The following RASGRP3 variants were observed in gnomAD, a reference collection of about 807,000 sequenced individuals.
The protein encoded by RASGRP3 is RAS guanyl releasing protein 3, also known as ras guanyl-releasing protein 3.
In RASGRP3, 54 loss-of-function variants were observed where a neutral mutation model predicts 82.7. The ratio of observed to expected loss-of-function variants is 0.65; its 90% CI spans 0.52 to 0.82. RASGRP3 has a LOEUF of 0.82. Among genes scored for constraint, RASGRP3 ranks in the 40% least tolerant of loss-of-function variants. The pLI, the probability that RASGRP3 is intolerant of heterozygous loss-of-function variation, is 0.00. For synonymous variants in RASGRP3, 309 were observed against 300.5 expected (o/e 1.03, Z -0.29); for missense variants, 861 against 828.9 (o/e 1.04, Z -0.48).
chr2:33,507,690 T>TA (rs1257363679), intron 1 of RASGRP3, among the ~76,000 whole-genome samples: 2 of 152,142 alleles, frequency 1.3e-5, no homozygotes, highest in African/African-American at 4.8e-5. Context: ...CACGCCTGGC[T>TA]ACTTCTTGTA....
At position 33,527,326 on chromosome 2, in the gene RASGRP3, C is replaced by A; in HGVS notation, c.997C>A (p.Leu333Ile). 1 of 1,613,852 alleles carries A rather than the reference C, an allele frequency of 6.2e-7. No individual in the cohort carries two copies. Residue 333 changes from leucine to isoleucine, a missense_variant, in exon 10 of 18, where the codon CTC becomes ATC. Coordinates refer to ENST00000403687, the MANE Select transcript of RASGRP3 (RefSeq NM_001139488.2). ...AGTGAACATTGTGAAAATGCACCAG[C>A]TCTCCGTTACCCTGAGTGAACTAGT... ...NKVNIVKMHQ[L>I]SVTLSELVSL...
chr2:33,478,342 C>T (rs979956991), intron 1 of RASGRP3, among the ~76,000 whole-genome samples: 15 of 152,248 alleles, frequency 9.9e-5, no homozygotes, highest in Admixed American at 6.5e-4. Flanking sequence ...TGGGTCAGCC[C>T]GCGGCCATGT....
At position 33,453,410 on chromosome 2, in the gene RASGRP3, C is replaced by G. The variant is rs7559662; in HGVS notation, c.-261+5467C>G. Among the ~76,000 whole-genome samples the G allele has an allele frequency of 9.1e-3, 1,389 of 152,236 alleles. 18 individuals are homozygous for G. The highest frequency in any genetic ancestry group is 0.058 in the Middle Eastern group (17 of 294). ...GTAAGGGGATATGTGCTGGAAAATA[C>G]TATTGCACCATCTTGCTGAGGTCTG... On this transcript the variant is annotated intron_variant, in intron 2 of 18. Coordinates refer to the RASGRP3 transcript ENST00000402538.
chr2:33,523,626 T>A (rs932344484), intron 7 of RASGRP3, among the ~76,000 whole-genome samples: 4 of 152,094 alleles, frequency 2.6e-5, no homozygotes, highest in African/African-American at 9.7e-5. Context: ...CTTGCCTCTT[T>A]CTCCTCCCAC....
upstream of RASGRP3, among the ~76,000 whole-genome samples, chr2:33,473,115 C>A (rs910713719): frequency 6.6e-5 from 10 of 152,210 alleles, no homozygotes; most frequent in African/African-American, 2.4e-4. Context: ...GTAATCCCAG[C>A]ACTTTGGGAG....
rs1256293306 is a variant in RASGRP3 at position 33,562,797 on chromosome 2, A to ACT, written c.*63_*64dup. 25 of 1,580,318 alleles carry ACT rather than the reference A, an allele frequency of 1.6e-5. No individual in the cohort carries two copies. The highest frequency in any genetic ancestry group is 2.0e-5 in the Non-Finnish European group (23 of 1,150,082). On this transcript the variant is annotated 3_prime_UTR_variant, in exon 18 of 18. Transcript: ENST00000403687. ...GCTTTTGGAAGGGGCAAGACGAGAA[A>ACT]CTCTGAAGAAAGCTCTGACTCTCAG...
chr2:33,480,845 T>C (rs868392886), intron 1 of RASGRP3, among the ~76,000 whole-genome samples: 2 of 152,206 alleles, frequency 1.3e-5, no homozygotes, highest in African/African-American at 4.8e-5. Context: ...TTTTGCTGTT[T>C]CAAGTGATTA....
At chr2:33,447,044 T>C (rs1235707621) in intron 1 of RASGRP3, among the ~76,000 whole-genome samples, 2 of 142,736 alleles carry the variant, frequency 1.4e-5, no homozygotes, top group Non-Finnish European at 3.0e-5. Flanking sequence ...CTCGGGAGGC[T>C]GAGGCAGGAG....
At chr2:33,549,871 G>A in intron 14 of RASGRP3, 120 bp downstream of exon 14, 1 of 1,204,158 alleles carries the variant, frequency 8.3e-7, no homozygotes, top group South Asian at 1.8e-5. Context: ...AGTAAAATGT[G>A]ATGGCTCCCT....
intron 1 of RASGRP3, among the ~76,000 whole-genome samples, chr2:33,476,976 T>TGTCTA (rs1667439178): frequency 6.6e-6 from 1 of 152,196 alleles, no homozygotes; most frequent in Non-Finnish European, 1.5e-5. Context: ...GCTTCATTCC[T>TGTCTA]GTCTAGGAAA....
intron 1 of RASGRP3, among the ~76,000 whole-genome samples, chr2:33,495,289 G>T (rs55844722): frequency 0.1 from 15,736 of 152,218 alleles, 890 homozygotes; most frequent in African/African-American, 0.13. Flanking sequence ...AAGATGGTTT[G>T]GGGATGAAAC....
At chr2:33,553,775 ATC>A (rs372261503) in intron 14 of RASGRP3, among the ~76,000 whole-genome samples, 1 of 151,954 alleles carries the variant, frequency 6.6e-6, no homozygotes, top group Non-Finnish European at 1.5e-5. Flanking sequence ...TTGAGATAGA[ATC>A]TCTCTCTGTC....
chr2:33,477,432 G>A (rs1025013994), intron 1 of RASGRP3, among the ~76,000 whole-genome samples: 1 of 152,068 alleles, frequency 6.6e-6, no homozygotes, highest in East Asian at 1.9e-4. Context: ...TAAAATGTTC[G>A]GTTGCCGCTG....
intron 2 of RASGRP3, among the ~76,000 whole-genome samples, chr2:33,461,328 G>A (rs1666350497): frequency 6.6e-6 from 1 of 152,060 alleles, no homozygotes; most frequent in Non-Finnish European, 1.5e-5. Flanking sequence ...ACCTAGGCTG[G>A]AGTGCAGTGG....
At chr2:33,558,393 T>C in intron 16 of RASGRP3, 57 bp downstream of exon 16, 3 of 1,609,852 alleles carry the variant, frequency 1.9e-6, no homozygotes, top group Non-Finnish European at 2.5e-6. Flanking sequence ...CTCCTCACAC[T>C]TGGACCTCAT....
upstream of RASGRP3, among the ~76,000 whole-genome samples, chr2:33,474,305 T>G (rs1354048320): frequency 6.6e-6 from 1 of 152,152 alleles, no homozygotes. Flanking sequence ...ATCCTGTTAG[T>G]GCTGTTCTCA....
intron 14 of RASGRP3, among the ~76,000 whole-genome samples, chr2:33,550,765 C>T (rs1675278850): frequency 6.6e-6 from 1 of 152,164 alleles, no homozygotes; most frequent in African/African-American, 2.4e-5. Context: ...CCAGAAATTA[C>T]ATTTTTCCCA....
intron 2 of RASGRP3, among the ~76,000 whole-genome samples, chr2:33,450,814 C>T (rs369779962): frequency 8.8e-4 from 27 of 30,592 alleles, no homozygotes; most frequent in Non-Finnish European, 1.3e-3. Flanking sequence ...TTTTCTCTTT[C>T]TTTCTTTCTT....
intron 10 of RASGRP3, among the ~76,000 whole-genome samples, chr2:33,527,742 G>A (rs1358777351): frequency 6.6e-6 from 1 of 152,096 alleles, no homozygotes; most frequent in Non-Finnish European, 1.5e-5. Context: ...ACATCCTTCT[G>A]TATGTCCTCC....
Sources: gnomAD v4.1 joint callset for allele counts (sites outside exome capture counted in the v4.1 genomes callset) on GRCh38, gnomAD v4.1.1 for gene constraint, MANE v1.5 for transcripts, NCBI Gene and HGNC (gene_info 2026-07-23, HGNC 2026-07-21) for gene names.